The following DNAH10 variants were observed in gnomAD, a reference collection of about 807,000 sequenced individuals.
DNAH10 encodes the protein dynein axonemal heavy chain 10, also known as axonemal beta dynein heavy chain 10.
In DNAH10, 348 loss-of-function variants were observed where a neutral mutation model predicts 506.6. The observed-to-expected ratio is 0.69, with a 90% CI of 0.63 to 0.75. The LOEUF is 0.75. Ranked by LOEUF, DNAH10 falls within the 30% of genes least tolerant of loss-of-function variation. The pLI, the probability that DNAH10 is intolerant of heterozygous loss-of-function variation, is 0.00. For synonymous variants in DNAH10, 2,059 were observed against 2,198.6 expected (o/e 0.94, Z 1.78); for missense variants, 5,179 against 5,787.1 (o/e 0.89, Z 3.41).
rs1338039124 is a variant in DNAH10, at chr12:123,845,581, A to C, written c.5361-19A>C. ...CCCCGGATTGATCAGAGCCTCTTAC[A>C]GGTGTGCGTTTTCTGCAGAGTCGAC... On this transcript the variant is annotated intron_variant, in intron 30 of 78. Transcript: ENST00000673944. 1 of 1,611,032 alleles carries C rather than the reference A, an allele frequency of 6.2e-7. No individual in the cohort carries two copies.
chr12:123,877,808 G>A lies in DNAH10; in HGVS notation c.8272G>A (p.Val2758Met), dbSNP rs576175453. ...FCTLALYKNI[V>M]QDLPPTPSKF... ...CACGCTAGCACTTTACAAAAATATT[G>A]TGCAAGACCTACCTCCCACTCCGTC... is the stretch of plus-strand genomic sequence containing the variant. The change falls in exon 48 of 79, where the codon GTG becomes ATG. Residue 2758 changes from valine (V) to methionine (M), a missense_variant. By Grantham distance (21) the Val-to-Met change is conservative. Around this residue, in one of 3 missense-constraint regions of DNAH10, gnomAD observed 4,844 missense variants for 5,430.5 expected, o/e 0.89. Coordinates refer to ENST00000673944, the MANE Select transcript of DNAH10 (RefSeq NM_001372106.1). The A allele has an allele frequency of 3.7e-6, 6 of 1,613,878 alleles. No homozygotes were observed. The highest frequency in any genetic ancestry group is 5.1e-6 in the Non-Finnish European group (6 of 1,179,880).
At position 123,790,114 on chromosome 12, in the gene DNAH10, A is replaced by G; in HGVS notation, c.1808A>G (p.Glu603Gly). ...TATGTGATGGATGAATTCAAGATTG[A>G]AGTTCTGGCAAGTGACACGTCCATT... ...WKYVMDEFKIEVLVIEKEAKH... is the reference protein window; with the variant it reads ...WKYVMDEFKIGVLVIEKEAKH... Residue 603 changes from glutamate to glycine, a missense_variant, in exon 11 of 79, where the codon GAA becomes GGA. By Grantham distance (98) the Glu-to-Gly change is moderately conservative. This residue lies in a region of DNAH10 where 4,844 missense variants were observed against 5,430.5 expected (regional missense o/e 0.89). Coordinates refer to ENST00000673944, the MANE Select transcript of DNAH10 (RefSeq NM_001372106.1). 6.2e-7 allele frequency: 1 copy of G among 1,613,978 alleles called. No individual in the cohort carries two copies. Among genetic ancestry groups the G allele is most frequent in the Non-Finnish European group, 8.5e-7 (1 of 1,179,936 alleles).
At chr12:123,788,528 G>C (rs1957950325) in intron 10 of DNAH10, among the ~76,000 whole-genome samples, 1 of 152,182 alleles carries the variant, frequency 6.6e-6, no homozygotes. Context: ...AATGCTAGAG[G>C]AACCATAGTG....
chr12:123,830,748 TC>T, intron 26 of DNAH10, 49 bp downstream of exon 26: 1 of 1,520,510 alleles, frequency 6.6e-7, no homozygotes, highest in Non-Finnish European at 8.8e-7. Flanking sequence ...TTTTTTTAAT[TC>T]AAAGAGAAAA....
chr12:123,803,628 GC>G (rs1182723962), intron 16 of DNAH10, 32 bp from the exon 17 acceptor site: 12 of 1,494,928 alleles, frequency 8.0e-6, no homozygotes, highest in East Asian at 2.5e-5. Flanking sequence ...AGAGTTGGAA[GC>G]CAAATGTCTT....
chr12:123,813,750 A>G lies in DNAH10; in HGVS notation c.3622-4A>G. Reference sequence around the variant, plus strand: ...CTTAGTGTTCTTTGTACTTTCTGTTATAGCACCTGGCCAAAAACCTTAGGA... The same window carrying G: ...CTTAGTGTTCTTTGTACTTTCTGTTGTAGCACCTGGCCAAAAACCTTAGGA... On this transcript the variant is annotated splice_polypyrimidine_tract_variant and splice_region_variant and intron_variant, in intron 20 of 78. Transcript: ENST00000673944. The G allele has an allele frequency of 2.5e-6, 4 of 1,613,516 alleles. No homozygotes were observed. Among genetic ancestry groups the G allele is most frequent in the South Asian group, 1.1e-5 (1 of 90,886 alleles).
At chr12:123,775,776 C>T (rs1957417023) in intron 5 of DNAH10, among the ~76,000 whole-genome samples, 1 of 152,018 alleles carries the variant, frequency 6.6e-6, no homozygotes, top group African/African-American at 2.4e-5. Context: ...GAAGGAAAGA[C>T]CAAATAGAAA....
chr12:123,838,809 T>C, intron 29 of DNAH10, 120 bp downstream of exon 29: 1 of 897,054 alleles, frequency 1.1e-6, no homozygotes, highest in Non-Finnish European at 1.7e-6. Flanking sequence ...GCTGCTGGAG[T>C]TGGTTTTTTG....
intron 45 of DNAH10, among the ~76,000 whole-genome samples, chr12:123,873,113 T>C (rs1022189316): frequency 2.0e-5 from 3 of 152,230 alleles, no homozygotes; most frequent in African/African-American, 7.2e-5. Flanking sequence ...TAGTGATTTA[T>C]GTTTGAATAT....
intron 38 of DNAH10, among the ~76,000 whole-genome samples, chr12:123,859,946 C>T (rs112069258): frequency 0.027 from 4,149 of 151,940 alleles, 118 homozygotes; most frequent in African/African-American, 0.072. Context: ...GGGAGGATTG[C>T]TTGAGCCCAA....
chr12:123,832,355 CA>C (rs2136516547), intron 26 of DNAH10, among the ~76,000 whole-genome samples: 1 of 152,248 alleles, frequency 6.6e-6, no homozygotes, highest in African/African-American at 2.4e-5. Context: ...TATACATATA[CA>C]CACAATGTTC....
intron 65 of DNAH10, among the ~76,000 whole-genome samples, chr12:123,921,690 A>ATTTTT (rs1566107321): frequency 3.9e-4 from 38 of 98,266 alleles, no homozygotes; most frequent in Middle Eastern, 7.7e-3. Flanking sequence ...TGTAGCTTGC[A>ATTTTT]GTTTTTTTTT....
intron 12 of DNAH10, among the ~76,000 whole-genome samples, 157 bp downstream of exon 12, chr12:123,794,269 G>T (rs1057460364): frequency 6.6e-6 from 1 of 152,148 alleles, no homozygotes; most frequent in Non-Finnish European, 1.5e-5. Flanking sequence ...CCCGAACAAA[G>T]TGGGTTTGTT....
At chr12:123,892,033 A>G (rs917252650) in intron 52 of DNAH10, among the ~76,000 whole-genome samples, 1 of 152,206 alleles carries the variant, frequency 6.6e-6, no homozygotes, top group African/African-American at 2.4e-5. Context: ...TCATGTAGGC[A>G]CCTCTACCTG....
At chr12:123,915,054 A>G (rs1954408033) in intron 62 of DNAH10, 55 bp downstream of exon 62, 1 of 1,531,778 alleles carries the variant, frequency 6.5e-7, no homozygotes, top group African/African-American at 1.4e-5. Flanking sequence ...TCTCTGGAGA[A>G]TGCCCCTCCC....
Position 123,846,273 on chromosome 12 carries a change from C to A in DNAH10, c.5814+119C>A. ...GCAGGGGAGATCATTGCTTTGAAAT[C>A]TCGAAAAGCTTTTCCATTTGGGATG... is the stretch of plus-strand genomic sequence containing the variant. On this transcript the variant is annotated intron_variant, in intron 32 of 78. Coordinates refer to ENST00000673944, the MANE Select transcript of DNAH10 (RefSeq NM_001372106.1). The surrounding 1 kb of genome is among the most constrained non-coding windows in gnomAD (Gnocchi z 4.5). The A allele has an allele frequency of 7.8e-7, 1 of 1,280,932 alleles. No individual in the cohort carries two copies. The highest frequency in any genetic ancestry group is 1.6e-5 in the South Asian group (1 of 64,120). 79.3% of individuals were successfully genotyped at this position (1,280,932 alleles called of 1,614,324 possible). A position where few individuals can be genotyped will look rare whatever the true frequency, so the allele number is the denominator to read the frequency against.
At chr12:123,795,789 A>G (rs533356090) in intron 12 of DNAH10, among the ~76,000 whole-genome samples, 2 of 152,266 alleles carry the variant, frequency 1.3e-5, no homozygotes, top group Non-Finnish European at 2.9e-5. Context: ...GAGCTCAGAC[A>G]TGCTTCTTTT....
chr12:123,791,120 G>T (rs538134443), intron 11 of DNAH10, among the ~76,000 whole-genome samples: 17 of 151,980 alleles, frequency 1.1e-4, no homozygotes, highest in Non-Finnish European at 2.1e-4. Context: ...GACAGAGTAA[G>T]ACTCTGTCTC....
In DNAH10 at chr12:123,853,927, C is replaced by T. The variant is rs996289993; in HGVS notation, c.6438+575C>T. ...GCACATGTACACATACGCACACGCACGCACACGCACACGCACACACACACA... is the reference window on the plus strand; with the variant it reads ...GCACATGTACACATACGCACACGCATGCACACGCACACGCACACACACACA... On this transcript the variant is annotated intron_variant, in intron 36 of 78. Transcript: ENST00000673944. The surrounding 1 kb of genome is among the most constrained non-coding windows in gnomAD (Gnocchi z 4.7). Among the ~76,000 whole-genome samples, 4 of 149,764 alleles carry T rather than the reference C, an allele frequency of 2.7e-5. No homozygotes were observed. The highest frequency in any genetic ancestry group is 2.0e-4 in the Admixed American group (3 of 15,058).
Sources: gnomAD v4.1 joint callset for allele counts (sites outside exome capture counted in the v4.1 genomes callset) on GRCh38, gnomAD v4.1.1 for gene constraint, gnomAD v4.1.1 regional missense constraint, Gnocchi (gnomAD v3.1) non-coding constraint, MANE v1.5 for transcripts, NCBI Gene and HGNC (gene_info 2026-07-23, HGNC 2026-07-21) for gene names.